Variants in SLX4IP observed in about 807,000 individuals in gnomAD.
The protein encoded by SLX4IP is SLX4 interacting protein, also known as protein SLX4IP.
In SLX4IP, 34 loss-of-function variants were observed where a neutral mutation model predicts 32.9. The observed-to-expected ratio is 1.03, with a 90% CI of 0.79 to 1.38. The LOEUF is 1.38. SLX4IP is among the 40% of genes most tolerant of loss of function. The probability of loss-of-function intolerance (pLI) is 0.00; values close to 1 mark genes in which losing one functional copy is unlikely to be tolerated. For missense variants in SLX4IP, 444 were observed against 479.0 expected (o/e 0.93, Z 0.68); for synonymous variants, 172 against 171.7 (o/e 1.00, Z -0.01).
chr20:10,564,422 T>G (rs142553553), intron 4 of SLX4IP, among the ~76,000 whole-genome samples: 169 of 152,342 alleles, frequency 1.1e-3, no homozygotes, highest in Middle Eastern at 0.01. Flanking sequence ...TTGTTTATGC[T>G]TTTGTGTAAA....
chr20:10,439,307 C>T (rs1170046405), intron 1 of SLX4IP, among the ~76,000 whole-genome samples: 5 of 152,024 alleles, frequency 3.3e-5, no homozygotes, highest in African/African-American at 1.2e-4. Flanking sequence ...CTCCTGGGTT[C>T]AGGTGATTCT....
At chr20:10,594,791 C>G (rs1353198705) in intron 4 of SLX4IP, among the ~76,000 whole-genome samples, 3 of 152,076 alleles carry the variant, frequency 2.0e-5, no homozygotes, top group Non-Finnish European at 4.4e-5. Flanking sequence ...CTGCAAATTT[C>G]TAGTAGAGCC....
intron 6 of SLX4IP, among the ~76,000 whole-genome samples, chr20:10,604,786 T>C (rs1009251163): frequency 2.0e-5 from 3 of 152,256 alleles, no homozygotes; most frequent in African/African-American, 7.2e-5. Flanking sequence ...TGATGTGTAC[T>C]TTGGGAAGAA....
At chr20:10,524,952 C>T (rs1338248267) in intron 2 of SLX4IP, among the ~76,000 whole-genome samples, 1 of 152,182 alleles carries the variant, frequency 6.6e-6, no homozygotes, top group Non-Finnish European at 1.5e-5. Context: ...TACGTAACAG[C>T]CACTTAACTA....
At chr20:10,556,401 C>A in intron 3 of SLX4IP, 81 bp downstream of exon 3, 2 of 1,361,544 alleles carry the variant, frequency 1.5e-6, no homozygotes, top group African/African-American at 1.5e-5. Flanking sequence ...GCTTTCATTT[C>A]TGTTAGTGGG....
At chr20:10,505,463 T>A (rs2065751262) in intron 2 of SLX4IP, among the ~76,000 whole-genome samples, 1 of 152,224 alleles carries the variant, frequency 6.6e-6, no homozygotes, top group Non-Finnish European at 1.5e-5. Flanking sequence ...GCATGTCTTC[T>A]TTAGCCCGAC....
rs541553428 is a variant in SLX4IP, at chr20:10,599,557, CT to C, written c.316+818del. On this transcript the variant is annotated intron_variant, in intron 5 of 7. Coordinates refer to ENST00000334534, the MANE Select transcript of SLX4IP (RefSeq NM_001009608.3). ...CACAGGTGTGTGCCACCATGCCTGG[CT>C]TTTTTTTTTTTTGTAATTTTTGGTA... Among the ~76,000 whole-genome samples, 1,166 of 140,476 alleles carry C rather than the reference CT, an allele frequency of 8.3e-3. 11 individuals are homozygous for C. The highest frequency in any genetic ancestry group is 0.027 in the Admixed American group (383 of 14,056). 92.2% of individuals were successfully genotyped at this position (140,476 alleles called of 152,430 possible).
At chr20:10,557,844 G>A (rs1315943529) in intron 3 of SLX4IP, among the ~76,000 whole-genome samples, 1 of 152,072 alleles carries the variant, frequency 6.6e-6, no homozygotes, top group Non-Finnish European at 1.5e-5. Flanking sequence ...GTTTTTTTAG[G>A]AGCCACATGC....
chr20:10,506,374 A>G (rs1568714016), intron 2 of SLX4IP, among the ~76,000 whole-genome samples: 2 of 152,230 alleles, frequency 1.3e-5, no homozygotes, highest in East Asian at 1.9e-4. Flanking sequence ...TTCTTTATTG[A>G]AAAACCCACA....
intron 1 of SLX4IP, among the ~76,000 whole-genome samples, chr20:10,437,214 C>T (rs1417171231): frequency 2.0e-5 from 3 of 152,112 alleles, no homozygotes; most frequent in African/African-American, 7.2e-5. Flanking sequence ...TAACCTCCAA[C>T]TCTTGGGCTC....
At chr20:10,545,487 C>A (rs1281904959) in intron 2 of SLX4IP, among the ~76,000 whole-genome samples, 1 of 152,076 alleles carries the variant, frequency 6.6e-6, no homozygotes, top group African/African-American at 2.4e-5. Context: ...CACAGCTGTA[C>A]ATTAAAAAAC....
intron 2 of SLX4IP, among the ~76,000 whole-genome samples, chr20:10,530,628 C>G (rs2065980760): frequency 6.6e-6 from 1 of 152,112 alleles, no homozygotes. Flanking sequence ...TTGAGCCTGC[C>G]ACTGAGAAGC....
At chr20:10,589,306 C>T (rs935133919) in intron 4 of SLX4IP, among the ~76,000 whole-genome samples, 7 of 152,160 alleles carry the variant, frequency 4.6e-5, no homozygotes, top group Non-Finnish European at 1.0e-4. Flanking sequence ...TGTTTATTTT[C>T]TCCAAATTGA....
chr20:10,542,890 C>T (rs2066122816), intron 2 of SLX4IP, among the ~76,000 whole-genome samples: 1 of 152,200 alleles, frequency 6.6e-6, no homozygotes, highest in Admixed American at 6.5e-5. Flanking sequence ...TTTGCAGTGA[C>T]ATCCACCTAT....
Position 10,622,701 on chromosome 20 carries a change from G to T in SLX4IP, c.549G>T (p.Ser183=). Reference sequence around the variant, plus strand: ...CAAAAAGCAGTGTCACGAGCAAATCGCAGACCAGAAGAGACACTGTGGAAA... The same window carrying T: ...CAAAAAGCAGTGTCACGAGCAAATCTCAGACCAGAAGAGACACTGTGGAAA... The part of the protein sequence containing the change: ...TETKSSVTSK[S]QTRRDTVETS... The change falls in exon 8 of 8, where the codon TCG becomes TCT. Residue 183 remains serine, a synonymous_variant. Transcript: ENST00000334534. 3 of 1,612,868 alleles carry T rather than the reference G, an allele frequency of 1.9e-6. No individual in the cohort carries two copies. Among genetic ancestry groups the T allele is most frequent in the Non-Finnish European group, 2.5e-6 (3 of 1,179,674 alleles).
intron 2 of SLX4IP, among the ~76,000 whole-genome samples, chr20:10,513,299 T>A (rs560146221): frequency 1.3e-5 from 2 of 152,214 alleles, no homozygotes; most frequent in South Asian, 4.1e-4. Context: ...GCTTAGGAAA[T>A]TTGCCTAGGG....
At chr20:10,510,674 G>A (rs1486137468) in intron 2 of SLX4IP, among the ~76,000 whole-genome samples, 2 of 150,830 alleles carry the variant, frequency 1.3e-5, no homozygotes, top group Non-Finnish European at 3.0e-5. Context: ...GCGCAATCTC[G>A]GCTCACTGCA....
At chr20:10,443,736 G>T (rs1175777186) in intron 1 of SLX4IP, among the ~76,000 whole-genome samples, 1 of 152,200 alleles carries the variant, frequency 6.6e-6, no homozygotes, top group Non-Finnish European at 1.5e-5. Flanking sequence ...GTAACCCCCA[G>T]TGTTGGAGGA....
intron 2 of SLX4IP, among the ~76,000 whole-genome samples, chr20:10,489,218 TACTTG>T (rs1298495620): frequency 6.6e-6 from 1 of 152,194 alleles, no homozygotes; most frequent in Non-Finnish European, 1.5e-5. Flanking sequence ...TCATTCTTCT[TACTTG>T]ACTTGTCATT....
Sources: gnomAD v4.1 joint callset for allele counts (sites outside exome capture counted in the v4.1 genomes callset) on GRCh38, gnomAD v4.1.1 for gene constraint, MANE v1.5 for transcripts, NCBI Gene and HGNC (gene_info 2026-07-23, HGNC 2026-07-21) for gene names.